Variants in CSMD3 observed in about 807,000 individuals in gnomAD.
CSMD3 encodes the protein CUB and Sushi multiple domains 3, also known as CUB and sushi domain-containing protein 3.
CSMD3 carries 177 observed loss-of-function variants against 435.2 expected under a neutral mutation model. The observed-to-expected ratio is 0.41, with a 90% CI of 0.36 to 0.46. CSMD3 has a LOEUF of 0.46. CSMD3 is among the 20% of genes least tolerant of loss of function. The probability of loss-of-function intolerance (pLI) is 0.34; values close to 1 mark genes in which losing one functional copy is unlikely to be tolerated. For missense variants in CSMD3, 4,265 were observed against 4,504.6 expected (o/e 0.95, Z 1.52); for synonymous variants, 1,656 against 1,520.5 (o/e 1.09, Z -2.07).
intron 32 of CSMD3, among the ~76,000 whole-genome samples, chr8:112,426,898 A>C (rs2130350673): frequency 6.6e-6 from 1 of 152,316 alleles, no homozygotes; most frequent in South Asian, 2.1e-4. Flanking sequence ...CTTTTCAGGT[A>C]ATCGTGATAC....
intron 1 of CSMD3, among the ~76,000 whole-genome samples, chr8:113,343,921 G>T (rs1040164829): frequency 1.3e-5 from 2 of 151,842 alleles, no homozygotes; most frequent in Non-Finnish European, 2.9e-5. Flanking sequence ...AAAACAAACA[G>T]AAATATAAAT....
At chr8:112,722,949 A>C (rs1263016968) in intron 13 of CSMD3, among the ~76,000 whole-genome samples, 4 of 152,114 alleles carry the variant, frequency 2.6e-5, no homozygotes, top group Admixed American at 6.6e-5. Context: ...AGGCCCAAAA[A>C]GAAACAGAAA....
At chr8:112,530,290 C>A (rs1337330639) in intron 27 of CSMD3, among the ~76,000 whole-genome samples, 1 of 152,064 alleles carries the variant, frequency 6.6e-6, no homozygotes, top group African/African-American at 2.4e-5. Context: ...AATGAACATC[C>A]AGACCCAAGA....
chr8:112,491,242 A>C (rs1255421530), intron 31 of CSMD3, among the ~76,000 whole-genome samples: 3 of 152,152 alleles, frequency 2.0e-5, no homozygotes, highest in Non-Finnish European at 2.9e-5. Flanking sequence ...TAAAAAATGC[A>C]ATTTATATCA....
intron 27 of CSMD3, among the ~76,000 whole-genome samples, chr8:112,520,236 A>C (rs1293306528): frequency 6.6e-6 from 1 of 152,118 alleles, no homozygotes; most frequent in Non-Finnish European, 1.5e-5. Flanking sequence ...CTGTATTTAG[A>C]GCATATAGCA....
chr8:113,328,356 T>C (rs2132750625), intron 1 of CSMD3, among the ~76,000 whole-genome samples: 1 of 144,366 alleles, frequency 6.9e-6, no homozygotes, highest in Admixed American at 7.0e-5. Context: ...GAGAATGGCG[T>C]GAATCCGGGA....
intron 69 of CSMD3, among the ~76,000 whole-genome samples, chr8:112,229,932 G>C (rs1420323039): frequency 2.0e-5 from 3 of 151,672 alleles, no homozygotes. Flanking sequence ...TAGAGAAATA[G>C]GAAGTGCATG....
intron 2 of CSMD3, among the ~76,000 whole-genome samples, chr8:113,306,613 A>AT (rs1363530320): frequency 1.3e-5 from 2 of 152,140 alleles, no homozygotes; most frequent in African/African-American, 4.8e-5. Context: ...GTGAGGAAAG[A>AT]TTTTAATTGT....
At chr8:113,145,250 G>C (rs147809815) in intron 4 of CSMD3, among the ~76,000 whole-genome samples, 25 of 151,698 alleles carry the variant, frequency 1.6e-4, no homozygotes, top group East Asian at 1.4e-3. Flanking sequence ...CCTTTTTCAA[G>C]TGAGATGTAA....
intron 59 of CSMD3, 95 bp downstream of exon 59, chr8:112,281,079 A>G: frequency 1.1e-6 from 1 of 948,004 alleles, no homozygotes; most frequent in Non-Finnish European, 1.6e-6. Flanking sequence ...AAAACCTTAC[A>G]TGGTTTTATT....
At chr8:113,033,855 C>A (rs747609117) in intron 5 of CSMD3, among the ~76,000 whole-genome samples, 2 of 151,300 alleles carry the variant, frequency 1.3e-5, no homozygotes, top group Non-Finnish European at 3.0e-5. Context: ...AGGGAGGTAC[C>A]TGGTGGGAGG....
chr8:112,666,394 G>A lies in CSMD3; in HGVS notation c.2699C>T (p.Ser900Leu). 6.2e-7 allele frequency: 1 copy of A among 1,612,468 alleles called. No individual in the cohort carries two copies. The highest frequency in any genetic ancestry group is 8.5e-7 in the Non-Finnish European group (1 of 1,179,168). The change falls in exon 17 of 71, where the codon TCA becomes TTA. Residue 900 changes from serine (S) to leucine (L), a missense_variant. Ser to Leu is a moderately radical substitution (Grantham distance 145). This residue lies in a region of CSMD3 where 279 missense variants were observed against 369.0 expected (regional missense o/e 0.76). Transcript: ENST00000297405. ...TGAGAGAATCACTCCACTGGGAGCTGAAAAATGGCCACCACATGGGGCTGA... is the reference window on the plus strand; with the variant it reads ...TGAGAGAATCACTCCACTGGGAGCTAAAAAATGGCCACCACATGGGGCTGA... ...KCGAPCGGHFSAPSGVILSPG... is the reference protein window; with the variant it reads ...KCGAPCGGHFLAPSGVILSPG...
At chr8:112,588,994 T>C (rs1371316879) in intron 22 of CSMD3, among the ~76,000 whole-genome samples, 1 of 152,176 alleles carries the variant, frequency 6.6e-6, no homozygotes, top group African/African-American at 2.4e-5. Context: ...ACATATATTT[T>C]TGTCAATTAG....
intron 13 of CSMD3, among the ~76,000 whole-genome samples, chr8:112,778,479 T>G (rs1346573839): frequency 1.3e-5 from 2 of 151,950 alleles, no homozygotes; most frequent in African/African-American, 4.8e-5. Context: ...CTTCTCAGAT[T>G]GATTTCTTTC....
intron 5 of CSMD3, among the ~76,000 whole-genome samples, chr8:113,081,645 C>A (rs1485192469): frequency 6.6e-6 from 1 of 152,122 alleles, no homozygotes; most frequent in African/African-American, 2.4e-5. Flanking sequence ...ATTTTGAGAG[C>A]AGAGCCACCA....
intron 4 of CSMD3, among the ~76,000 whole-genome samples, chr8:113,148,425 A>G (rs1406910486): frequency 2.0e-5 from 3 of 151,820 alleles, no homozygotes; most frequent in Middle Eastern, 3.4e-3. Context: ...TCACTTCCTC[A>G]TAGCTCTTAT....
intron 49 of CSMD3, among the ~76,000 whole-genome samples, chr8:112,311,797 C>T (rs190375915): frequency 1.3e-5 from 2 of 152,098 alleles, no homozygotes; most frequent in East Asian, 1.9e-4. Flanking sequence ...TTCATATGTA[C>T]TTTTGAGAAT....
intron 35 of CSMD3, among the ~76,000 whole-genome samples, chr8:112,400,980 A>T (rs180726908): frequency 6.6e-5 from 10 of 152,234 alleles, no homozygotes; most frequent in African/African-American, 2.2e-4. Flanking sequence ...GCCGAGGCAG[A>T]TAGATCACCT....
intron 41 of CSMD3, among the ~76,000 whole-genome samples, chr8:112,342,085 A>G (rs62514409): frequency 0.18 from 27,316 of 152,058 alleles, 3,035 homozygotes; most frequent in Middle Eastern, 0.35. Context: ...ATAATTGCAA[A>G]TTTGTAATAT....
Sources: allele counts gnomAD v4.1 joint callset (sites outside exome capture counted in the v4.1 genomes callset), GRCh38; gene constraint gnomAD v4.1.1; regional missense constraint gnomAD v4.1.1; transcripts MANE v1.5; gene names NCBI Gene and HGNC (gene_info 2026-07-23, HGNC 2026-07-21).